The following ARHGEF28 variants were observed in gnomAD, a reference collection of about 807,000 sequenced individuals.
ARHGEF28 encodes Rho guanine nucleotide exchange factor 28, also known as 190 kDa guanine nucleotide exchange factor.
Under a neutral mutation model 206.6 loss-of-function variants are expected in ARHGEF28, and 152 were observed. That is an observed-to-expected ratio of 0.74 (90% CI 0.64 to 0.84). The LOEUF is 0.84. Among genes scored for constraint, ARHGEF28 ranks in the 40% least tolerant of loss-of-function variants. ARHGEF28 has a pLI of 0.00. For synonymous variants in ARHGEF28, 763 were observed against 776.4 expected (o/e 0.98, Z 0.29); for missense variants, 2,028 against 2,073.2 (o/e 0.98, Z 0.42).
chr5:73,781,224 G>T (rs1753828294), intron 7 of ARHGEF28, among the ~76,000 whole-genome samples: 2 of 152,146 alleles, frequency 1.3e-5, no homozygotes, highest in Non-Finnish European at 2.9e-5. Flanking sequence ...AGGGCTGCTG[G>T]ATGTTCATCA....
At chr5:73,926,213 A>G (rs543880874) in intron 35 of ARHGEF28, among the ~76,000 whole-genome samples, 75 of 152,354 alleles carry the variant, frequency 4.9e-4, no homozygotes, top group African/African-American at 1.7e-3. Flanking sequence ...TAACTGAGAA[A>G]AAATGAATGC....
At chr5:73,658,936 C>G (rs922237215) in intron 1 of ARHGEF28, among the ~76,000 whole-genome samples, 2 of 145,456 alleles carry the variant, frequency 1.4e-5, no homozygotes, top group African/African-American at 5.1e-5. Flanking sequence ...GACCACATAC[C>G]TAGACAGGTC....
chr5:73,762,133 G>A (rs1235493209), intron 4 of ARHGEF28, among the ~76,000 whole-genome samples: 1 of 151,602 alleles, frequency 6.6e-6, no homozygotes, highest in African/African-American at 2.4e-5. Flanking sequence ...CACCTGGCTG[G>A]TTCTATCTTT....
intron 2 of ARHGEF28, among the ~76,000 whole-genome samples, chr5:73,701,502 G>A (rs1748597627): frequency 6.6e-6 from 1 of 152,134 alleles, no homozygotes; most frequent in Non-Finnish European, 1.5e-5. Flanking sequence ...AGTTAAAAAT[G>A]GGGGTGCAGA....
At chr5:73,798,771 T>A (rs1176611982) in intron 9 of ARHGEF28, among the ~76,000 whole-genome samples, 1 of 152,158 alleles carries the variant, frequency 6.6e-6, no homozygotes, top group Non-Finnish European at 1.5e-5. Context: ...TTGGCTCAAG[T>A]AAATGGCACT....
At chr5:73,901,436 CTT>C in intron 31 of ARHGEF28, 152 bp downstream of exon 31, 1 of 561,406 alleles carries the variant, frequency 1.8e-6, no homozygotes, top group South Asian at 2.1e-5. Flanking sequence ...AACTTTCTAA[CTT>C]ATTTCTTCTT....
intron 4 of ARHGEF28, among the ~76,000 whole-genome samples, chr5:73,765,532 C>T (rs1027807633): frequency 2.0e-5 from 3 of 152,180 alleles, no homozygotes; most frequent in Admixed American, 2.0e-4. Flanking sequence ...ATCATATCTA[C>T]AAAACACCTA....
chr5:73,740,308 A>T (rs1473644092), intron 2 of ARHGEF28, among the ~76,000 whole-genome samples: 1 of 152,218 alleles, frequency 6.6e-6, no homozygotes, highest in Non-Finnish European at 1.5e-5. Context: ...TATATACCAG[A>T]TATTATAGAT....
intron 7 of ARHGEF28, chr5:73,786,531 C>T (rs539721661): frequency 6.6e-6 from 1 of 152,290 alleles, no homozygotes; most frequent in South Asian, 2.1e-4. Flanking sequence ...CCAAATGGTT[C>T]ATCTCTCTCA....
chr5:73,764,963 C>A (rs1489787732), intron 4 of ARHGEF28, among the ~76,000 whole-genome samples: 3 of 152,204 alleles, frequency 2.0e-5, no homozygotes, highest in Admixed American at 6.5e-5. Flanking sequence ...GCCAAATTCT[C>A]TCTTCTACTC....
intron 33 of ARHGEF28, chr5:73,908,620 T>C (rs1762679104): frequency 6.6e-6 from 1 of 152,240 alleles, no homozygotes; most frequent in African/African-American, 2.4e-5. Flanking sequence ...AAACTTTTCA[T>C]AGGCAGATAC....
chr5:73,764,109 C>T (rs948279032), intron 4 of ARHGEF28, among the ~76,000 whole-genome samples: 5 of 152,196 alleles, frequency 3.3e-5, no homozygotes, highest in Admixed American at 6.5e-5. Flanking sequence ...CCCTGGCAAT[C>T]CCAGGTAGTA....
chr5:73,773,608 G>A (rs1753360056), intron 4 of ARHGEF28, among the ~76,000 whole-genome samples: 1 of 152,184 alleles, frequency 6.6e-6, no homozygotes, highest in South Asian at 2.1e-4. Flanking sequence ...GTAGTGCAAT[G>A]GGTGGAAAGA....
At chr5:73,645,163 AT>A (rs1744352338) in intron 1 of ARHGEF28, among the ~76,000 whole-genome samples, 1 of 152,022 alleles carries the variant, frequency 6.6e-6, no homozygotes, top group South Asian at 2.1e-4. Context: ...AAAAAATCAA[AT>A]TATTAAGTTG....
chr5:73,772,052 A>G (rs1753254243), intron 4 of ARHGEF28, among the ~76,000 whole-genome samples: 1 of 152,210 alleles, frequency 6.6e-6, no homozygotes, highest in African/African-American at 2.4e-5. Context: ...GTTCATTTAC[A>G]TATTTTAAGT....
chr5:73,869,677 C>T (rs2973555), intron 20 of ARHGEF28, among the ~76,000 whole-genome samples: 4 of 152,204 alleles, frequency 2.6e-5, no homozygotes, highest in African/African-American at 4.8e-5. Flanking sequence ...GAGGCTGAGG[C>T]GGGTGGATCA....
In ARHGEF28 at chr5:73,780,707, G is replaced by T; in HGVS notation, c.872G>T (p.Arg291Ile). The change falls in exon 7 of 36, where the codon AGA becomes ATA. Residue 291 changes from arginine (R) to isoleucine (I), a missense_variant. Transcript: ENST00000513042. ...GAGCCAGAAGCCAGGCCAGAGGAAA[G>T]AACAGCTATGCCCTCCAGCGGTGCA... ...AFEPEARPEE[R>I]TAMPSSGAET... 6.4e-7 allele frequency: 1 copy of T among 1,558,398 alleles called. No individual in the cohort carries two copies.
chr5:73,820,032 C>T (rs147949875), intron 9 of ARHGEF28, among the ~76,000 whole-genome samples: 33 of 152,232 alleles, frequency 2.2e-4, no homozygotes, highest in African/African-American at 6.5e-4. Context: ...TCCTTGAAGG[C>T]GGCCAGCCCA....
intron 29 of ARHGEF28, among the ~76,000 whole-genome samples, 158 bp downstream of exon 29, chr5:73,894,733 A>G (rs2112691830): frequency 6.6e-6 from 1 of 152,352 alleles, no homozygotes; most frequent in Non-Finnish European, 1.5e-5. Flanking sequence ...ATAGCCAAAT[A>G]TAAAGAAAGA....
Sources: gnomAD v4.1 joint callset for allele counts (sites outside exome capture counted in the v4.1 genomes callset) on GRCh38, gnomAD v4.1.1 for gene constraint, MANE v1.5 for transcripts, NCBI Gene and HGNC (gene_info 2026-07-23, HGNC 2026-07-21) for gene names.